Variants in ADGRG1 observed in about 807,000 individuals in gnomAD.
ADGRG1 encodes the protein 7-transmembrane protein with no EGF-like N-terminal domains-1.
A neutral mutation model predicts 73.5 loss-of-function variants in ADGRG1; 53 were observed. That is an observed-to-expected ratio of 0.72 (90% CI 0.58 to 0.91). The LOEUF is 0.91. Ranked by LOEUF, ADGRG1 falls within the 40% of genes least tolerant of loss-of-function variation. ADGRG1 has a pLI of 0.00. For missense variants in ADGRG1, 795 were observed against 871.8 expected (o/e 0.91, Z 1.11); for synonymous variants, 394 against 374.4 (o/e 1.05, Z -0.60).
At chr16:57,635,395 C>A in intron 1 of ADGRG1, 1 of 985,370 alleles carries the variant, frequency 1.0e-6, no homozygotes, top group Non-Finnish European at 1.2e-6. Flanking sequence ...TGCCTCCTGG[C>A]ACCTTAAGTG....
chr16:57,631,529 C>T (rs946647805), intron 1 of ADGRG1: 45 of 985,484 alleles, frequency 4.6e-5, no homozygotes, highest in Non-Finnish European at 4.8e-5. Context: ...ACCACCTCCT[C>T]CTCCCAGACT....
chr16:57,654,659 C>T (rs1433409494), intron 5 of ADGRG1, among the ~76,000 whole-genome samples: 1 of 152,076 alleles, frequency 6.6e-6, no homozygotes, highest in Non-Finnish European at 1.5e-5. Flanking sequence ...GCAGGCAGAT[C>T]ACTTGAGGTC....
chr16:57,622,782 C>G (rs2035105326), upstream of ADGRG1: 2 of 985,390 alleles, frequency 2.0e-6, no homozygotes, highest in Non-Finnish European at 2.4e-6. Flanking sequence ...GGCGGCCACA[C>G]TGTCTACCTT....
At chr16:57,644,809 ACTC>A (rs1180627293) in intron 1 of ADGRG1, among the ~76,000 whole-genome samples, 1 of 135,102 alleles carries the variant, frequency 7.4e-6, no homozygotes. Context: ...CACACTCATC[ACTC>A]CTCACACACA....
chr16:57,656,138 C>T lies in ADGRG1; in HGVS notation c.1018-88C>T, dbSNP rs2045667177. ...CCAAATGGGGCGGGTGGTGGCTTGA[C>T]TGTGTTCTAGACTTCCTCTGCCTGG... On this transcript the variant is annotated intron_variant, in intron 7 of 13. Transcript: ENST00000562631. 8.7e-6 allele frequency: 14 copies of T among 1,613,488 alleles called. No homozygotes were observed. The South Asian group carries it at 1.4e-4, about 16-fold the overall frequency.
At chr16:57,623,465 G>C (rs1264292106), upstream of ADGRG1, among the ~76,000 whole-genome samples, 3 of 152,240 alleles carry the variant, frequency 2.0e-5, no homozygotes, top group African/African-American at 7.2e-5. Flanking sequence ...TCTTGGACCT[G>C]GTCATGCTCG....
At chr16:57,636,157 C>T (rs954523298) in intron 1 of ADGRG1, 7 of 985,376 alleles carry the variant, frequency 7.1e-6, no homozygotes, top group Non-Finnish European at 8.4e-6. Flanking sequence ...TTTCTTTGCA[C>T]ATCTGCTACC....
intron 9 of ADGRG1, 123 bp downstream of exon 9, chr16:57,656,740 T>G: frequency 1.3e-6 from 1 of 756,098 alleles, no homozygotes. Flanking sequence ...CTTCTATTGT[T>G]GTCCCATTTT....
At chr16:57,655,077 C>T (rs1234547904) in intron 5 of ADGRG1, 5 of 985,262 alleles carry the variant, frequency 5.1e-6, no homozygotes, top group Non-Finnish European at 6.0e-6. Context: ...GAACCACCCA[C>T]ACTGCCCACA....
intron 1 of ADGRG1, chr16:57,646,470 T>C (rs2042667194): frequency 2.0e-6 from 2 of 985,196 alleles, no homozygotes; most frequent in Non-Finnish European, 1.2e-6. Flanking sequence ...TGGACTGGCC[T>C]GTTCTGTCCT....
chr16:57,645,061 A>G (rs2042238230), intron 1 of ADGRG1: 1 of 984,878 alleles, frequency 1.0e-6, no homozygotes, highest in African/African-American at 1.7e-5. Context: ...ACTCATGCAC[A>G]CGCACACACA....
At chr16:57,644,265 C>A (rs190178866) in intron 1 of ADGRG1, 2 of 844,500 alleles carry the variant, frequency 2.4e-6, no homozygotes, top group Non-Finnish European at 2.8e-6. Context: ...CAGTCATGCA[C>A]GGGCACACAC....
At chr16:57,654,623 T>G (rs1407018801) in intron 5 of ADGRG1, among the ~76,000 whole-genome samples, 8 of 152,226 alleles carry the variant, frequency 5.3e-5, no homozygotes, top group Admixed American at 2.6e-4. Context: ...CTCACATCTG[T>G]AATCCCAGCA....
chr16:57,644,979 C>A, intron 1 of ADGRG1: 1 of 708,738 alleles, frequency 1.4e-6, no homozygotes, highest in Non-Finnish European at 1.7e-6. Flanking sequence ...TGGGCACACA[C>A]CCCCATGCAC....
intron 2 of ADGRG1, 106 bp from the exon 3 acceptor site, chr16:57,651,094 A>C: frequency 1.2e-6 from 2 of 1,600,596 alleles, no homozygotes; most frequent in South Asian, 1.1e-5. Flanking sequence ...AATGTGTGTG[A>C]ATCTCAGGCT....
chr16:57,629,258 GC>G (rs1416813595), intron 1 of ADGRG1: 10 of 773,718 alleles, frequency 1.3e-5, no homozygotes, highest in Non-Finnish European at 1.6e-5. Flanking sequence ...ACAAGGAGAT[GC>G]CTGGGAGGGG....
chr16:57,645,937 T>C (rs957589048), intron 1 of ADGRG1: 1 of 152,088 alleles, frequency 6.6e-6, no homozygotes, highest in Non-Finnish European at 1.5e-5. Context: ...GTCTCAAAGA[T>C]GAGCGGAATG....
Position 57,650,242 on chromosome 16 carries a change from G to T in ADGRG1, c.-35-11G>T. 1 of 1,598,568 alleles carries T rather than the reference G, an allele frequency of 6.3e-7. No homozygotes were observed. The highest frequency in any genetic ancestry group is 1.7e-4 in the Middle Eastern group (1 of 6,030). ...TCCACACTCCCAGCTAACACTCCTG[G>T]TCTCTTCCAGGTGGTGACTTCCAAG... On this transcript the variant is annotated splice_polypyrimidine_tract_variant and intron_variant, in intron 1 of 13. Coordinates refer to ENST00000562631, the MANE Select transcript of ADGRG1 (RefSeq NM_201525.4).
intron 4 of ADGRG1, chr16:57,653,709 C>T (rs1196357663): frequency 1.6e-5 from 13 of 816,268 alleles, no homozygotes; most frequent in Non-Finnish European, 1.9e-5. Flanking sequence ...GGACAGCCCC[C>T]ACCACACCAT....
Sources: gnomAD v4.1 joint callset for allele counts (sites outside exome capture counted in the v4.1 genomes callset) on GRCh38, gnomAD v4.1.1 for gene constraint, MANE v1.5 for transcripts, NCBI Gene and HGNC (gene_info 2026-07-23, HGNC 2026-07-21) for gene names.